The following MELTF variants were observed in gnomAD, a reference collection of about 807,000 sequenced individuals.
The protein encoded by MELTF is melanotransferrin, also known as antigen p97 (melanoma associated) identified by monoclonal antibodies 133.2 and 96.5.
A neutral mutation model predicts 83.7 loss-of-function variants in MELTF; 67 were observed. The observed-to-expected ratio is 0.80, with a 90% CI of 0.66 to 0.98. The LOEUF (loss-of-function observed/expected upper bound fraction) is 0.98, where lower values mean the gene tolerates loss of function less well. Ranked by LOEUF, MELTF falls within the 50% of genes least tolerant of loss-of-function variation. MELTF has a pLI of 0.00. For missense variants in MELTF, 1,002 were observed against 1,035.6 expected, an observed-to-expected ratio of 0.97 and a Z score of 0.44; for synonymous variants, 462 against 447.6, an observed-to-expected ratio of 1.03 and a Z score of -0.41.
Position 197,022,093 on chromosome 3 carries a change from C to G in MELTF, c.645-622G>C, listed in dbSNP as rs76564127. On this transcript the variant is annotated intron_variant, in intron 5 of 15. Transcript: ENST00000296350. The surrounding 1 kb of genome is among the most constrained non-coding windows in gnomAD (Gnocchi z 5.1). ...ACTAGAAGGCCTTTTCATGCCATGC[C>G]GCAGAATCCTCAGTGGAAGGGACCA... 6.6e-6 allele frequency among the ~76,000 whole-genome samples: 1 copy of G among 152,136 alleles called. No individual in the cohort carries two copies. The highest frequency in any genetic ancestry group is 1.5e-5 in the Non-Finnish European group (1 of 68,026).
At position 197,015,390 on chromosome 3, in the gene MELTF, G is replaced by A; in HGVS notation, c.1208C>T (p.Pro403Leu). 6.3e-7 allele frequency: 1 copy of A among 1,575,046 alleles called. No homozygotes were observed. The highest frequency in any genetic ancestry group is 8.6e-7 in the Non-Finnish European group (1 of 1,160,802). ...CTGGATCCGCTCCATGCAGTGTTGG[G>A]GGGACTTGGCTGACACGCACTGGAT... is the stretch of plus-strand genomic sequence containing the variant. ...PEIQCVSAKS[P>L]QHCMERIQAE... The change falls in exon 9 of 16, where the codon CCC becomes CTC. Residue 403 changes from proline to leucine, a missense_variant. Physicochemically the swap from Pro to Leu is moderately conservative, Grantham distance 98. Coordinates refer to ENST00000296350, the MANE Select transcript of MELTF (RefSeq NM_005929.6).
intron 6 of MELTF, chr3:197,019,528 G>C: frequency 6.5e-7 from 1 of 1,533,366 alleles, no homozygotes; most frequent in Non-Finnish European, 8.8e-7. Context: ...AGTTGAGGCT[G>C]GGGGTTTGAG....
intron 6 of MELTF, chr3:197,019,511 G>A (rs1455301335): frequency 1.7e-5 from 25 of 1,505,614 alleles, no homozygotes; most frequent in South Asian, 5.4e-5. Context: ...GCTGAGATGC[G>A]AGGATCAGTT....
At chr3:197,015,298 G>T (rs34603506) in intron 9 of MELTF, 67 bp downstream of exon 9, 329 of 1,490,468 alleles carry the variant, frequency 2.2e-4, no homozygotes, top group Non-Finnish European at 2.9e-4. Context: ...GGTGTGGGTA[G>T]TAAGAACTGC....
At chr3:197,015,625 G>T in intron 8 of MELTF, 109 bp from the exon 9 acceptor site, 1 of 1,254,250 alleles carries the variant, frequency 8.0e-7, no homozygotes, top group Non-Finnish European at 1.1e-6. Context: ...GTGTGTGGCT[G>T]GGATAAGTTA....
rs1216942851 is a variant in MELTF at position 197,017,225 on chromosome 3, C to T, written c.778G>A (p.Gly260Ser). ...SQDFELLCRD[G>S]SRADVTEWRQ... The stretch of plus-strand genomic sequence containing the variant: ...CACTCGGTGACATCGGCCCGGCTAC[C>T]ATCCCGGCACAGCAGCTCGAAGTCC... Residue 260 changes from glycine to serine, a missense_variant, in exon 7 of 16, where the codon GGT (glycine) becomes AGT (serine). By Grantham distance (56) the Gly-to-Ser change is moderately conservative (BLOSUM62 0). Coordinates refer to ENST00000296350, the MANE Select transcript of MELTF (RefSeq NM_005929.6). 1 of 1,594,786 alleles carries T rather than the reference C, an allele frequency of 6.3e-7. No homozygotes were observed. Among genetic ancestry groups the T allele is most frequent in the Admixed American group, 1.8e-5 (1 of 56,152 alleles).
At chr3:197,004,532 T>C in intron 14 of MELTF, 1 of 214,012 alleles carries the variant, frequency 4.7e-6, no homozygotes, top group South Asian at 6.8e-5. Flanking sequence ...GAGAGGGACT[T>C]GTGTTCTGCA....
intron 6 of MELTF, chr3:197,018,999 A>G: frequency 1.0e-6 from 1 of 985,434 alleles, no homozygotes; most frequent in African/African-American, 1.7e-5. Flanking sequence ...GAGGAAAAAA[A>G]CCTCTACAAG....
chr3:197,008,821 C>A lies in MELTF; in HGVS notation c.1670G>T (p.Arg557Leu). ...GCCACCCGGGTACCTGAAGGCGCCG[C>A]GGTAGCCGTAATACCGCTCCTGGCT... ...GNSQERYYGY[R>L]GAFRCLVENA... The change falls in exon 12 of 16, where the codon CGC becomes CTC. Residue 557 changes from arginine to leucine, a missense_variant. Coordinates refer to ENST00000296350, the MANE Select transcript of MELTF (RefSeq NM_005929.6). The surrounding 1 kb of genome is among the most constrained non-coding windows in gnomAD (Gnocchi z 5.4). The A allele has an allele frequency of 6.2e-7, 1 of 1,614,120 alleles. No individual in the cohort carries two copies. Among genetic ancestry groups the A allele is most frequent in the Non-Finnish European group, 8.5e-7 (1 of 1,180,016 alleles).
In MELTF at chr3:197,003,877, G is replaced by C; in HGVS notation, c.2137+24C>G. The C allele has an allele frequency of 6.2e-7, 1 of 1,609,358 alleles. No individual in the cohort carries two copies. Among genetic ancestry groups the C allele is most frequent in the Non-Finnish European group, 8.5e-7 (1 of 1,178,030 alleles). On this transcript the variant is annotated intron_variant, in intron 15 of 15. Coordinates refer to ENST00000296350, the MANE Select transcript of MELTF (RefSeq NM_005929.6). The surrounding 1 kb of genome is among the most constrained non-coding windows in gnomAD (Gnocchi z 6.2). ...AAGGGGTCTGAATAGCACCAGGGGA[G>C]GCGGCAGGGCGGGCCTGTCCTACCT...
chr3:197,016,867 T>C (rs1238787958), intron 7 of MELTF, among the ~76,000 whole-genome samples: 1 of 152,200 alleles, frequency 6.6e-6, no homozygotes, highest in South Asian at 2.1e-4. Context: ...CTCAGGAGCT[T>C]CTTCTGAGGG....
intron 6 of MELTF, chr3:197,019,908 GT>G: frequency 7.1e-7 from 1 of 1,414,294 alleles, no homozygotes; most frequent in Non-Finnish European, 9.3e-7. Context: ...ACAGAACGGT[GT>G]GTTTGCTGCT....
intron 2 of MELTF, 56 bp downstream of exon 2, chr3:197,027,700 G>T: frequency 6.4e-7 from 1 of 1,551,948 alleles, no homozygotes; most frequent in Non-Finnish European, 8.8e-7. Context: ...GCTGTTGTGT[G>T]CTCCCTCCTG....
At chr3:197,017,338 G>C in intron 6 of MELTF, 48 bp from the exon 7 acceptor site, 6 of 1,457,776 alleles carry the variant, frequency 4.1e-6, no homozygotes, top group Non-Finnish European at 5.5e-6. Context: ...AGGGGTTGGG[G>C]CGGGTGGCGG....
Position 197,015,467 on chromosome 3 carries a change from C to T in MELTF, c.1131G>A (p.Gln377=), listed in dbSNP as rs549941614. The change falls in exon 9 of 16, where the codon CAG becomes CAA. Residue 377 remains glutamine (Q), a synonymous_variant. Transcript: ENST00000296350. ...AGGCCACGGCCATGTCTCCACACTT[C>T]TGGATCTCGGGAGTGGAGAGCACAC... The part of the protein sequence containing the change: ...RWCVLSTPEI[Q]KCGDMAVAFR... 2.2e-5 allele frequency: 35 copies of T among 1,611,424 alleles called. No individual in the cohort carries two copies. The South Asian group carries it at 3.5e-4, about 16-fold the overall frequency.
At chr3:197,026,557 TG>T in intron 3 of MELTF, 102 bp downstream of exon 3, 1 of 1,007,988 alleles carries the variant, frequency 9.9e-7, no homozygotes, top group Non-Finnish European at 1.5e-6. Flanking sequence ...GACTGCTCTG[TG>T]GACAGGGCTG....
intron 3 of MELTF, among the ~76,000 whole-genome samples, chr3:197,025,363 C>T (rs1719811072): frequency 6.6e-6 from 1 of 152,244 alleles, no homozygotes; most frequent in African/African-American, 2.4e-5. Flanking sequence ...CTCTGACTCA[C>T]CCGCCTTGTT....
chr3:197,022,742 C>T lies in MELTF; in HGVS notation c.644+215G>A, dbSNP rs182886078. On this transcript the variant is annotated intron_variant, in intron 5 of 15. Coordinates refer to ENST00000296350, the MANE Select transcript of MELTF (RefSeq NM_005929.6). The surrounding 1 kb of genome is among the most constrained non-coding windows in gnomAD (Gnocchi z 5.1). ...CTCACCTCACTAAATATACCAAACA[C>T]GTTGATTTCATGAGCAAATCCGGTT... Among the ~76,000 whole-genome samples the T allele has an allele frequency of 2.9e-4, 44 of 152,310 alleles. No individual in the cohort carries two copies. In the East Asian group the frequency reaches 6.7e-3, roughly 23 times the overall value.
At position 197,027,756 on chromosome 3, in the gene MELTF, C is replaced by A; in HGVS notation, c.204G>T (p.Ala68=). The A allele has an allele frequency of 1.2e-6, 2 of 1,604,928 alleles. No homozygotes were observed. Among genetic ancestry groups the A allele is most frequent in the Admixed American group, 1.7e-5 (1 of 59,684 alleles). Residue 68 remains alanine (A), a splice_region_variant and synonymous_variant, in exon 2 of 16, where the codon GCG becomes GCT. Transcript: ENST00000296350. ...TSADHCVQLI[A]AQEADAITLD... is the part of the protein sequence containing the mutation. ...GCAGGGTGGAAGGGAGAGGACTCACCGCGATGAGCTGGACGCAGTGGTCGG... is the reference window on the plus strand; with the variant it reads ...GCAGGGTGGAAGGGAGAGGACTCACAGCGATGAGCTGGACGCAGTGGTCGG...
Sources: allele counts gnomAD v4.1 joint callset (sites outside exome capture counted in the v4.1 genomes callset), GRCh38; gene constraint gnomAD v4.1.1; non-coding constraint Gnocchi (gnomAD v3.1); transcripts MANE v1.5; gene names NCBI Gene and HGNC (gene_info 2026-07-23, HGNC 2026-07-21).